Variants in ZC3H4 observed in about 807,000 individuals in gnomAD.
ZC3H4 encodes the protein zinc finger CCCH-type containing 4, also known as zinc finger CCCH domain-containing protein 4.
A neutral mutation model predicts 108.3 loss-of-function variants in ZC3H4; 13 were observed. The ratio of observed to expected loss-of-function variants is 0.12; its 90% CI spans 0.08 to 0.19. The LOEUF (loss-of-function observed/expected upper bound fraction) is 0.19. ZC3H4 is among the 10% of genes least tolerant of loss of function. The probability of loss-of-function intolerance (pLI) is 1.00; values close to 1 mark genes in which losing one functional copy is unlikely to be tolerated. For synonymous variants in ZC3H4, 917 were observed against 749.6 expected, an observed-to-expected ratio of 1.22 and a Z score of -3.65; for missense variants, 1,734 against 1,838.8, an observed-to-expected ratio of 0.94 and a Z score of 1.04.
At position 47,072,559 on chromosome 19, in the gene ZC3H4, G is replaced by C; in HGVS notation, c.1595C>G (p.Pro532Arg). 1 of 1,551,442 alleles carries C rather than the reference G, an allele frequency of 6.4e-7. No homozygotes were observed. The highest frequency in any genetic ancestry group is 8.7e-7 in the Non-Finnish European group (1 of 1,150,786). ...GCCACCCTGCATGGGCCTGCCGTTG[G>C]GAGAGGTTGGAGCCTGCGGGCCAGG... ...RPPGPQAPTSPNGRPMQGGPP... is the reference protein window; with the variant it reads ...RPPGPQAPTSRNGRPMQGGPP... The change falls in exon 12 of 15, where the codon CCC becomes CGC. Residue 532 changes from proline to arginine, a missense_variant. Around this residue, in one of 9 missense-constraint regions of ZC3H4, gnomAD observed 75 missense variants for 85.8 expected, o/e 0.87. Coordinates refer to ENST00000253048, the MANE Select transcript of ZC3H4 (RefSeq NM_015168.2). The surrounding 1 kb of genome is among the most constrained non-coding windows in gnomAD (Gnocchi z 5.6).
chr19:47,093,914 C>T (rs767989182), intron 4 of ZC3H4, 56 bp downstream of exon 4: 3 of 1,487,234 alleles, frequency 2.0e-6, no homozygotes, highest in Non-Finnish European at 1.9e-6. Context: ...TCAAGAAACA[C>T]AAGCAGTTGA....
rs372785889 is a variant in ZC3H4 at position 47,069,238 on chromosome 19, C to A, written c.2252G>T (p.Arg751Leu). The A allele has an allele frequency of 1.2e-6, 2 of 1,613,626 alleles. No individual in the cohort carries two copies. The highest frequency in any genetic ancestry group is 1.6e-4 in the Middle Eastern group (1 of 6,062). Residue 751 changes from arginine to leucine, a missense_variant, in exon 14 of 15, where the codon CGG becomes CTG. By Grantham distance (102) the Arg-to-Leu change is moderately radical. Around this residue, in one of 9 missense-constraint regions of ZC3H4, gnomAD observed 540 missense variants for 484.1 expected, o/e 1.12. Transcript: ENST00000253048. ...AGGGACACCGGCGCCTGGCTTCGGC[C>A]GGCCTGGGGGCCCTCCCTCAGAGAA... ...DSFSEGGPPG[R>L]PKPGAGVPDF... is the part of the protein sequence containing the mutation.
chr19:47,088,024 T>G (rs551473959), intron 5 of ZC3H4, among the ~76,000 whole-genome samples: 7 of 148,514 alleles, frequency 4.7e-5, no homozygotes, highest in Admixed American at 2.0e-4. Flanking sequence ...CTACAAAAAA[T>G]TAGCCGGGCG....
chr19:47,074,466 G>C (rs375327034), intron 11 of ZC3H4, among the ~76,000 whole-genome samples: 89 of 152,320 alleles, frequency 5.8e-4, no homozygotes, highest in African/African-American at 2.1e-3. Context: ...TGTCTCATCA[G>C]TTAGGATAGC....
rs2057189778 is a variant in ZC3H4, at chr19:47,066,164, G to A, written c.*192C>T. The stretch of plus-strand genomic sequence containing the variant: ...GCCACACTGACCAGAACTTAAGATG[G>A]TTATATACAATTTACAAATCTCAAA... On this transcript the variant is annotated 3_prime_UTR_variant, in exon 15 of 15. Coordinates refer to ENST00000253048, the MANE Select transcript of ZC3H4 (RefSeq NM_015168.2). 5 of 521,848 alleles carry A rather than the reference G, an allele frequency of 9.6e-6. No homozygotes were observed. The South Asian group carries it at 1.4e-4, about 15-fold the overall frequency. The allele number at this position is 521,848 out of a possible 1,614,324, so 32.3% of individuals were successfully genotyped here.
intron 5 of ZC3H4, among the ~76,000 whole-genome samples, chr19:47,087,140 G>A (rs541305272): frequency 6.6e-6 from 1 of 152,032 alleles, no homozygotes; most frequent in Admixed American, 6.6e-5. Context: ...GCCAGGTGTG[G>A]TGGCGCACAC....
chr19:47,081,963 A>T (rs2057532220), intron 10 of ZC3H4, among the ~76,000 whole-genome samples: 1 of 152,154 alleles, frequency 6.6e-6, no homozygotes, highest in Non-Finnish European at 1.5e-5. Flanking sequence ...GCCTATGTAA[A>T]CAGAACATGC....
chr19:47,100,190 A>C (rs1473101321), intron 2 of ZC3H4, among the ~76,000 whole-genome samples: 1 of 152,154 alleles, frequency 6.6e-6, no homozygotes, highest in Non-Finnish European at 1.5e-5. Flanking sequence ...ATGCCAAAGA[A>C]AGGCCCGAGA....
Position 47,112,417 on chromosome 19 carries a change from G to C in ZC3H4, c.161+7C>G. The C allele has an allele frequency of 8.1e-7, 1 of 1,234,750 alleles. No homozygotes were observed. Among genetic ancestry groups the C allele is most frequent in the Non-Finnish European group, 1.0e-6 (1 of 987,832 alleles). The allele number at this position is 1,234,750 out of a possible 1,614,324, so 76.5% of individuals were successfully genotyped here. A position where few individuals can be genotyped will look rare whatever the true frequency, so the allele number is the denominator to read the frequency against. On this transcript the variant is annotated splice_region_variant and intron_variant, in intron 2 of 14. Coordinates refer to ENST00000253048, the MANE Select transcript of ZC3H4 (RefSeq NM_015168.2). ...GGACGCAGCCCCGGCCCAACCGGGG[G>C]CCTGACCTGTCGTCAGGGAGCGGGA...
chr19:47,070,886 G>A (rs1030770273), intron 13 of ZC3H4, among the ~76,000 whole-genome samples: 22 of 152,154 alleles, frequency 1.4e-4, no homozygotes, highest in African/African-American at 4.3e-4. Context: ...CCACGGCACC[G>A]TGTCCAAACC....
intron 4 of ZC3H4, among the ~76,000 whole-genome samples, chr19:47,091,230 C>T (rs2057726553): frequency 6.6e-6 from 1 of 151,986 alleles, no homozygotes; most frequent in Non-Finnish European, 1.5e-5. Context: ...AGAGACTGCA[C>T]CACTGCACTC....
Position 47,071,786 on chromosome 19 carries a change from C to T in ZC3H4, c.2138G>A (p.Gly713Glu), listed in dbSNP as rs767411179. ...EGMEMEPGLL[G>E]DAEDYGHYEE... ...CCTGGAGTCCCGCATACCTGCATCC[C>T]CCAGGAGTCCGGGCTCCATCTCCAT... Residue 713 changes from glycine (G) to glutamate (E), a missense_variant, in exon 13 of 15, where the codon GGG (glycine) becomes GAG (glutamate). Physicochemically the swap from Gly to Glu is moderately conservative, Grantham distance 98. Around this residue, in one of 9 missense-constraint regions of ZC3H4, gnomAD observed 540 missense variants for 484.1 expected, o/e 1.12. Coordinates refer to ENST00000253048, the MANE Select transcript of ZC3H4 (RefSeq NM_015168.2). 6.2e-7 allele frequency: 1 copy of T among 1,609,088 alleles called. No individual in the cohort carries two copies. Among genetic ancestry groups the T allele is most frequent in the Non-Finnish European group, 8.5e-7 (1 of 1,178,018 alleles).
intron 11 of ZC3H4, among the ~76,000 whole-genome samples, chr19:47,074,794 G>A (rs1254725825): frequency 6.6e-6 from 1 of 152,238 alleles, no homozygotes; most frequent in Non-Finnish European, 1.5e-5. Context: ...AACTGGAGGA[G>A]GGCAGCGTGG....
chr19:47,067,094 G>A lies in ZC3H4; in HGVS notation c.3174C>T (p.Ser1058=). ...RILKTVNATG[S]SAAPGSSDKP... is the part of the protein sequence containing the mutation. ...TGTCGCTGGAACCGGGGGCGGCCGA[G>A]GAGCCGGTGGCATTGACTGTCTTGA... The change falls in exon 15 of 15, where the codon TCC becomes TCT. Residue 1058 remains serine, a synonymous_variant. Coordinates refer to ENST00000253048, the MANE Select transcript of ZC3H4 (RefSeq NM_015168.2). This position sits in a 1 kb window ranked among gnomAD's most constrained non-coding sequence, Gnocchi z 6.4. The A allele has an allele frequency of 6.2e-7, 1 of 1,611,242 alleles. No individual in the cohort carries two copies. The highest frequency in any genetic ancestry group is 8.5e-7 in the Non-Finnish European group (1 of 1,178,726).
Position 47,087,911 on chromosome 19 carries a change from C to T in ZC3H4, c.716-1373G>A, listed in dbSNP as rs570802130. Among the ~76,000 whole-genome samples, 32 of 152,112 alleles carry T rather than the reference C, an allele frequency of 2.1e-4. 1 individual carries two copies. Among genetic ancestry groups the T allele is most frequent in the East Asian group, 1.9e-4 (1 of 5,166 alleles). On this transcript the variant is annotated intron_variant, in intron 5 of 14. Transcript: ENST00000253048. ...TAAATAGGCTGGGCGCGGTGGCTCA[C>T]GCCTGTAATCCCAACACTTTGGGAG... is the stretch of plus-strand genomic sequence containing the variant.
chr19:47,071,929 G>C lies in ZC3H4; in HGVS notation c.1995C>G (p.Gly665=). 1 of 1,612,880 alleles carries C rather than the reference G, an allele frequency of 6.2e-7. No homozygotes were observed. The change falls in exon 13 of 15, where the codon GGC becomes GGG. Residue 665 remains glycine, a synonymous_variant. Coordinates refer to ENST00000253048, the MANE Select transcript of ZC3H4 (RefSeq NM_015168.2). The part of the protein sequence containing the change: ...GPGMNPGPPM[G]PGGPPMMPYG... ...AGGGCATCATTGGAGGGCCGCCAGG[G>C]CCCATGGGTGGGCCAGGATTCATGC... is the stretch of plus-strand genomic sequence containing the variant.
intron 13 of ZC3H4, among the ~76,000 whole-genome samples, chr19:47,070,811 C>G (rs1461524335): frequency 1.3e-5 from 2 of 152,174 alleles, no homozygotes; most frequent in East Asian, 3.9e-4. Context: ...TGCCGCACGT[C>G]CAGCGCCCCA....
At chr19:47,092,748 T>C (rs1258244203) in intron 4 of ZC3H4, among the ~76,000 whole-genome samples, 2 of 149,820 alleles carry the variant, frequency 1.3e-5, no homozygotes, top group South Asian at 4.2e-4. Flanking sequence ...ACCAGAGAGG[T>C]GGAAGTTGCA....
rs886400199 is a variant in ZC3H4 at position 47,064,203 on chromosome 19, A to G, written c.*2153T>C. 4 of 152,732 alleles carry G rather than the reference A, an allele frequency of 2.6e-5. No homozygotes were observed. The highest frequency in any genetic ancestry group is 5.9e-5 in the Non-Finnish European group (4 of 68,036). 9.5% of individuals were successfully genotyped at this position (152,732 alleles called of 1,614,324 possible). A position where few individuals can be genotyped will look rare whatever the true frequency, so the allele number is the denominator to read the frequency against. On this transcript the variant is annotated 3_prime_UTR_variant, in exon 15 of 15. Coordinates refer to ENST00000253048, the MANE Select transcript of ZC3H4 (RefSeq NM_015168.2). Reference sequence around the variant, plus strand: ...CCCACAAGCTTTTTAAAATAACTGCATCCTTTAATGGCAGTAATACAATTA... The same window carrying G: ...CCCACAAGCTTTTTAAAATAACTGCGTCCTTTAATGGCAGTAATACAATTA...
Sources: allele counts gnomAD v4.1 joint callset (sites outside exome capture counted in the v4.1 genomes callset), GRCh38; gene constraint gnomAD v4.1.1; regional missense constraint gnomAD v4.1.1; non-coding constraint Gnocchi (gnomAD v3.1); transcripts MANE v1.5; gene names NCBI Gene and HGNC (gene_info 2026-07-23, HGNC 2026-07-21).